ARHGAP42: variants seen among roughly 807,000 people sequenced by gnomAD.
ARHGAP42 encodes rho GTPase-activating protein 42.
In ARHGAP42, 63 loss-of-function variants were observed where a neutral mutation model predicts 125.0. The ratio of observed to expected loss-of-function variants is 0.50; its 90% CI spans 0.41 to 0.62. The LOEUF (loss-of-function observed/expected upper bound fraction) is 0.62, where lower values mean the gene tolerates loss of function less well. Among genes scored for constraint, ARHGAP42 ranks in the 20% least tolerant of loss-of-function variants. The probability of loss-of-function intolerance (pLI) is 0.00; values close to 1 mark genes in which losing one functional copy is unlikely to be tolerated. For synonymous variants in ARHGAP42, 339 were observed against 351.0 expected (o/e 0.97, Z 0.38); for missense variants, 766 against 1,024.2 (o/e 0.75, Z 3.44).
intron 2 of ARHGAP42, among the ~76,000 whole-genome samples, chr11:100,774,559 G>C (rs1031772033): frequency 3.9e-5 from 6 of 152,160 alleles, no homozygotes; most frequent in African/African-American, 1.4e-4. Context: ...GGTCATGTCA[G>C]TGCAAAATGA....
chr11:100,897,252 A>G (rs937586650), intron 4 of ARHGAP42, among the ~76,000 whole-genome samples: 2 of 152,206 alleles, frequency 1.3e-5, no homozygotes, highest in Non-Finnish European at 2.9e-5. Flanking sequence ...ACGTTGTAGT[A>G]TAGTTGGAAG....
intron 3 of ARHGAP42, among the ~76,000 whole-genome samples, chr11:100,798,567 C>T (rs1011667909): frequency 2.0e-5 from 3 of 152,202 alleles, no homozygotes; most frequent in Non-Finnish European, 4.4e-5. Flanking sequence ...AGACAAAACA[C>T]TATTGCACAC....
At chr11:100,861,054 C>T (rs772079420) in intron 4 of ARHGAP42, among the ~76,000 whole-genome samples, 7 of 152,016 alleles carry the variant, frequency 4.6e-5, no homozygotes, top group Admixed American at 3.3e-4. Context: ...TTGGGGATTG[C>T]GATGCAAAAG....
chr11:100,883,697 T>C (rs1163308350), intron 4 of ARHGAP42, among the ~76,000 whole-genome samples: 1 of 152,198 alleles, frequency 6.6e-6, no homozygotes. Flanking sequence ...GTCTTATTAA[T>C]TGTAAAATTC....
intron 4 of ARHGAP42, among the ~76,000 whole-genome samples, chr11:100,895,668 C>T (rs1051821770): frequency 6.6e-6 from 1 of 151,726 alleles, no homozygotes; most frequent in African/African-American, 2.4e-5. Flanking sequence ...CTGGGAACTT[C>T]CCCTAAATGT....
At chr11:100,837,685 T>TTTTA (rs1555008912) in intron 3 of ARHGAP42, among the ~76,000 whole-genome samples, 1 of 131,424 alleles carries the variant, frequency 7.6e-6, no homozygotes, top group South Asian at 2.5e-4. Context: ...TTTTTTTTTT[T>TTTTA]TTTTTTTTTT....
At chr11:100,867,855 C>T (rs1322207425) in intron 4 of ARHGAP42, among the ~76,000 whole-genome samples, 1 of 152,084 alleles carries the variant, frequency 6.6e-6, no homozygotes, top group Non-Finnish European at 1.5e-5. Context: ...CAGTTGAATA[C>T]TTGGAAGCCA....
chr11:100,871,377 C>T (rs1451154125), intron 4 of ARHGAP42, among the ~76,000 whole-genome samples: 3 of 151,634 alleles, frequency 2.0e-5, no homozygotes, highest in African/African-American at 4.8e-5. Flanking sequence ...AAACCCCCAT[C>T]TCTACTAAAA....
chr11:100,782,666 T>TA (rs59373401), intron 2 of ARHGAP42, among the ~76,000 whole-genome samples: 3 of 151,196 alleles, frequency 2.0e-5, no homozygotes, highest in Admixed American at 6.6e-5. Flanking sequence ...ATAGGAGGCT[T>TA]AAAAAAAAAG....
chr11:100,903,695 T>C (rs1866626321), intron 4 of ARHGAP42, among the ~76,000 whole-genome samples: 1 of 95,554 alleles, frequency 1.0e-5, no homozygotes, highest in South Asian at 3.1e-4. Context: ...TGTATATATA[T>C]ACATGTCCCT....
At chr11:100,785,234 A>G (rs1445524321) in intron 2 of ARHGAP42, among the ~76,000 whole-genome samples, 1 of 152,110 alleles carries the variant, frequency 6.6e-6, no homozygotes, top group African/African-American at 2.4e-5. Context: ...GAGACAGGAG[A>G]CAAGTTGAAG....
At chr11:100,818,705 T>C (rs996565676) in intron 3 of ARHGAP42, among the ~76,000 whole-genome samples, 6 of 152,208 alleles carry the variant, frequency 3.9e-5, no homozygotes, top group South Asian at 4.1e-4. Context: ...GTGAAAGGCA[T>C]ACTGGTACCT....
rs763302463 is a variant in ARHGAP42 at position 100,980,559 on chromosome 11, CTTTTTTTTT to C, written c.2456+1532_2456+1540del. ...TCAAATCATACTTCTTTTTCTTCTT[CTTTTTTTTT>C]TTTTTTTTTTTTTTTTTTTTTGAGA... On this transcript the variant is annotated intron_variant, in intron 22 of 23. Coordinates refer to ENST00000298815, the MANE Select transcript of ARHGAP42 (RefSeq NM_152432.4). Among the ~76,000 whole-genome samples the C allele has an allele frequency of 3.6e-3, 189 of 51,954 alleles. 3 individuals carry two copies. Among genetic ancestry groups the C allele is most frequent in the Admixed American group, 8.0e-3 (23 of 2,888 alleles). 34.1% of individuals were successfully genotyped at this position (51,954 alleles called of 152,430 possible).
At chr11:100,826,600 A>G (rs150387602) in intron 3 of ARHGAP42, among the ~76,000 whole-genome samples, 3 of 152,266 alleles carry the variant, frequency 2.0e-5, no homozygotes, top group African/African-American at 4.8e-5. Context: ...CTGAGTATCA[A>G]TGTAGTTATA....
chr11:100,734,157 A>G (rs1334371411), intron 1 of ARHGAP42, among the ~76,000 whole-genome samples: 4 of 150,888 alleles, frequency 2.7e-5, no homozygotes, highest in Non-Finnish European at 4.4e-5. Flanking sequence ...CTAGTCTCGA[A>G]CTCCTGACCT....
rs139506492 is a variant in ARHGAP42, at chr11:100,903,709, AATATATATATATATATAT to A, written c.385-9714_385-9697del. Among the ~76,000 whole-genome samples the A allele has an allele frequency of 7.0e-3, 443 of 63,518 alleles. 15 individuals carry two copies. The highest frequency in any genetic ancestry group is 0.011 in the African/African-American group (158 of 14,676). The allele number at this position is 63,518 out of a possible 152,430, so 41.7% of individuals were successfully genotyped here. On this transcript the variant is annotated intron_variant, in intron 4 of 23. Coordinates refer to ENST00000298815, the MANE Select transcript of ARHGAP42 (RefSeq NM_152432.4). ...ATGTATATATATACATGTCCCTCAA[AATATATATATATATATAT>A]ATATATATATATATATATATATATA...
chr11:100,923,622 GT>G (rs1867339776), intron 6 of ARHGAP42, among the ~76,000 whole-genome samples: 1 of 152,122 alleles, frequency 6.6e-6, no homozygotes. Flanking sequence ...TAAAAATACA[GT>G]AGAGAAGTAG....
At chr11:100,699,807 G>T (rs762234428) in intron 1 of ARHGAP42, among the ~76,000 whole-genome samples, 5 of 152,050 alleles carry the variant, frequency 3.3e-5, no homozygotes, top group Admixed American at 6.6e-5. Context: ...ACAGGCATGA[G>T]CCACCACGCT....
intron 1 of ARHGAP42, among the ~76,000 whole-genome samples, chr11:100,725,984 G>A (rs1019167579): frequency 6.8e-6 from 1 of 147,358 alleles, no homozygotes; most frequent in Non-Finnish European, 1.5e-5. Context: ...TGTAGTCCCA[G>A]CTACTTGGAA....
Sources: allele counts gnomAD v4.1 joint callset (sites outside exome capture counted in the v4.1 genomes callset), GRCh38; gene constraint gnomAD v4.1.1; transcripts MANE v1.5; gene names NCBI Gene and HGNC (gene_info 2026-07-23, HGNC 2026-07-21).